The following CACNB2 variants were observed in gnomAD, a reference collection of about 807,000 sequenced individuals.
CACNB2 encodes voltage-dependent L-type calcium channel subunit beta-2.
A neutral mutation model predicts 73.3 loss-of-function variants in CACNB2; 42 were observed. That is an observed-to-expected ratio of 0.57 (90% CI 0.45 to 0.74). The LOEUF (loss-of-function observed/expected upper bound fraction) is 0.74, where lower values mean the gene tolerates loss of function less well. Among genes scored for constraint, CACNB2 ranks in the 30% least tolerant of loss-of-function variants. The pLI is 0.00. For synonymous variants in CACNB2, 348 were observed against 310.3 expected (o/e 1.12, Z -1.28); for missense variants, 940 against 853.0 (o/e 1.10, Z -1.27).
chr10:18,220,232 T>TATATATAG (rs1488872721), intron 2 of CACNB2, among the ~76,000 whole-genome samples: 11 of 25,090 alleles, frequency 4.4e-4, no homozygotes, highest in South Asian at 1.9e-3. Context: ...TATATATATA[T>TATATATAG]AGAGAGAGAG....
intron 2 of CACNB2, chr10:18,400,610 G>A: frequency 9.6e-7 from 1 of 1,044,336 alleles, no homozygotes. Context: ...CTTTGCACTT[G>A]CAAATGTCAC....
intron 6 of CACNB2, among the ~76,000 whole-genome samples, chr10:18,508,516 A>G (rs1051406735): frequency 6.6e-6 from 1 of 152,176 alleles, no homozygotes; most frequent in Non-Finnish European, 1.5e-5. Flanking sequence ...TAAAGTGGAA[A>G]AAGACTATGT....
At chr10:18,488,007 C>T (rs866442045) in intron 3 of CACNB2, among the ~76,000 whole-genome samples, 1 of 151,174 alleles carries the variant, frequency 6.6e-6, no homozygotes, top group African/African-American at 2.4e-5. Flanking sequence ...CAGGGTTTCA[C>T]CATGTTGCAC....
At chr10:18,314,193 G>GA (rs537533499) in intron 2 of CACNB2, among the ~76,000 whole-genome samples, 2 of 152,126 alleles carry the variant, frequency 1.3e-5, no homozygotes, top group South Asian at 2.1e-4. Context: ...TAGCTTTCTA[G>GA]AAAAAAGAGT....
intron 2 of CACNB2, among the ~76,000 whole-genome samples, chr10:18,158,455 A>T (rs539441278): frequency 3.9e-4 from 59 of 152,294 alleles, no homozygotes; most frequent in South Asian, 2.3e-3. Flanking sequence ...TGGACTTGTT[A>T]TTAAGATTAT....
intron 2 of CACNB2, among the ~76,000 whole-genome samples, chr10:18,283,631 G>C (rs1375938213): frequency 1.3e-5 from 2 of 149,422 alleles, no homozygotes; most frequent in Non-Finnish European, 3.0e-5. Flanking sequence ...GAGAACACTT[G>C]GACACGGGGT....
intron 3 of CACNB2, among the ~76,000 whole-genome samples, chr10:18,451,472 T>C (rs2047019155): frequency 6.6e-6 from 1 of 152,324 alleles, no homozygotes; most frequent in South Asian, 2.1e-4. Context: ...GCCACATCAG[T>C]TTAGCACTGT....
chr10:18,473,860 C>G (rs1192379700), intron 3 of CACNB2, among the ~76,000 whole-genome samples: 1 of 152,116 alleles, frequency 6.6e-6, no homozygotes, highest in Admixed American at 6.6e-5. Context: ...TTTCTTGTAT[C>G]AGAACCAGGG....
At chr10:18,315,344 AAACAAAAC>A (rs1243766185) in intron 2 of CACNB2, among the ~76,000 whole-genome samples, 6 of 149,768 alleles carry the variant, frequency 4.0e-5, no homozygotes, top group Non-Finnish European at 8.9e-5. Context: ...AAACAAAACA[AAACAAAAC>A]AAAACAAAAC....
At chr10:18,532,282 T>C (rs919130705) in intron 10 of CACNB2, among the ~76,000 whole-genome samples, 4 of 152,154 alleles carry the variant, frequency 2.6e-5, no homozygotes, top group Non-Finnish European at 5.9e-5. Flanking sequence ...AATATCTTTA[T>C]ATATGTGTAT....
At chr10:18,226,368 G>T (rs1310564769) in intron 2 of CACNB2, among the ~76,000 whole-genome samples, 1 of 152,170 alleles carries the variant, frequency 6.6e-6, no homozygotes, top group Non-Finnish European at 1.5e-5. Context: ...GGCTACTTCA[G>T]CAGAAGCTGG....
At chr10:18,256,777 C>CA (rs2037303965) in intron 2 of CACNB2, 2 of 152,158 alleles carry the variant, frequency 1.3e-5, no homozygotes, top group Admixed American at 6.6e-5. Context: ...CCCATCTCTA[C>CA]AAAAAAATAC....
intron 2 of CACNB2, among the ~76,000 whole-genome samples, chr10:18,322,876 A>ATT (rs78454829): frequency 0.043 from 6,159 of 142,872 alleles, 179 homozygotes; most frequent in Admixed American, 0.11. Flanking sequence ...AATATTTTTA[A>ATT]TTTTTTTTTT....
chr10:18,231,201 G>A (rs192141468), intron 2 of CACNB2, among the ~76,000 whole-genome samples: 1 of 152,216 alleles, frequency 6.6e-6, no homozygotes, highest in East Asian at 1.9e-4. Flanking sequence ...TTTTGAGACA[G>A]CGTTTTGCTC....
At chr10:18,426,328 T>A (rs1379653029) in intron 3 of CACNB2, among the ~76,000 whole-genome samples, 1 of 152,194 alleles carries the variant, frequency 6.6e-6, no homozygotes, top group Non-Finnish European at 1.5e-5. Context: ...TAGATTTGTT[T>A]CTAGATATGT....
intron 10 of CACNB2, among the ~76,000 whole-genome samples, chr10:18,530,940 CAG>C (rs2052961835): frequency 6.6e-6 from 1 of 151,962 alleles, no homozygotes; most frequent in South Asian, 2.1e-4. Context: ...GCAGTGGGAA[CAG>C]AGAGGCAGAA....
chr10:18,500,163 C>T (rs1446867565), intron 4 of CACNB2, among the ~76,000 whole-genome samples: 2 of 152,084 alleles, frequency 1.3e-5, no homozygotes, highest in Non-Finnish European at 2.9e-5. Flanking sequence ...GGGATCTTTC[C>T]ACCATGAAAG....
chr10:18,471,032 C>T lies in CACNB2; in HGVS notation c.334-27323C>T, dbSNP rs11818022. ...GAAAGGTGTTACACAGGGCCGGGTG[C>T]GGTGGGTCACACCTGTAATCCCAGA... On this transcript the variant is annotated intron_variant, in intron 3 of 13. Transcript: ENST00000324631. Among the ~76,000 whole-genome samples, 604 of 152,210 alleles carry T rather than the reference C, an allele frequency of 4.0e-3. 1 individual carries two copies. Among genetic ancestry groups the T allele is most frequent in the African/African-American group, 0.014 (577 of 41,534 alleles).
intron 2 of CACNB2, among the ~76,000 whole-genome samples, chr10:18,224,861 G>A (rs2035929938): frequency 6.6e-6 from 1 of 152,190 alleles, no homozygotes; most frequent in South Asian, 2.1e-4. Flanking sequence ...CCTCCCTTAA[G>A]GTGGCCTAAG....
Sources: allele counts gnomAD v4.1 joint callset (sites outside exome capture counted in the v4.1 genomes callset), GRCh38; gene constraint gnomAD v4.1.1; transcripts MANE v1.5; gene names NCBI Gene and HGNC (gene_info 2026-07-23, HGNC 2026-07-21).